The following ANKS6 variants were observed in gnomAD, a reference collection of about 807,000 sequenced individuals.
ANKS6 encodes the protein ankyrin repeat and SAM domain-containing protein 6.
In ANKS6, 47 loss-of-function variants were observed where a neutral mutation model predicts 77.9. That is an observed-to-expected ratio of 0.60 (90% CI 0.48 to 0.77). The LOEUF is 0.77. ANKS6 is among the 30% of genes least tolerant of loss of function. The pLI is 0.00. For missense variants in ANKS6, 1,150 were observed against 1,159.1 expected, an observed-to-expected ratio of 0.99 and a Z score of 0.11; for synonymous variants, 488 against 501.7, an observed-to-expected ratio of 0.97 and a Z score of 0.37.
intron 13 of ANKS6, chr9:98,745,928 A>G (rs1270467360): frequency 2.2e-6 from 1 of 454,476 alleles, no homozygotes; most frequent in African/African-American, 2.0e-5. Context: ...TGAGCCAGGT[A>G]AGAAAAATCT....
At position 98,756,496 on chromosome 9, in the gene ANKS6, G is replaced by A. The variant is rs1234141895; in HGVS notation, c.2250C>T (p.Ser750=). Residue 750 remains serine, a synonymous_variant, in exon 12 of 15, where the codon TCC becomes TCT. Transcript: ENST00000353234. ...GATGGGATGACGAGGAAGACACTGA[G>A]GACTCTGCAGTGTGCCCTTTGGGTG... ...SPSPKGHTAE[S]SVSSSSSHRQ... The A allele has an allele frequency of 1.9e-6, 3 of 1,613,094 alleles. No homozygotes were observed. The highest frequency in any genetic ancestry group is 1.7e-5 in the Admixed American group (1 of 59,908).
chr9:98,752,193 C>T (rs963044833), intron 12 of ANKS6, among the ~76,000 whole-genome samples: 1 of 152,192 alleles, frequency 6.6e-6, no homozygotes, highest in African/African-American at 2.4e-5. Context: ...GTTTTACAAA[C>T]GCTGTTTTAC....
intron 9 of ANKS6, among the ~76,000 whole-genome samples, chr9:98,771,706 A>C (rs1588381960): frequency 6.7e-6 from 1 of 149,552 alleles, no homozygotes; most frequent in South Asian, 2.1e-4. Context: ...GCTCCCCCCC[A>C]TCCTTACCCC....
At chr9:98,762,695 T>C (rs868601540) in intron 11 of ANKS6, among the ~76,000 whole-genome samples, 19 of 152,298 alleles carry the variant, frequency 1.2e-4, no homozygotes, top group South Asian at 2.1e-4. Context: ...GATTTTATAA[T>C]GGTGAACCAG....
At chr9:98,790,043 T>C in intron 2 of ANKS6, 61 bp downstream of exon 2, 1 of 1,514,496 alleles carries the variant, frequency 6.6e-7, no homozygotes, top group Non-Finnish European at 8.9e-7. Context: ...AATCCTCAGC[T>C]TAAGCCACAT....
chr9:98,757,419 G>GT (rs1178085288), intron 11 of ANKS6, among the ~76,000 whole-genome samples: 1 of 152,124 alleles, frequency 6.6e-6, no homozygotes, highest in African/African-American at 2.4e-5. Flanking sequence ...TCTTGGTCAG[G>GT]TATTTTGAAG....
chr9:98,746,467 G>C (rs1399005677), intron 13 of ANKS6, among the ~76,000 whole-genome samples: 1 of 152,132 alleles, frequency 6.6e-6, no homozygotes, highest in Non-Finnish European at 1.5e-5. Flanking sequence ...TTAGCAGTAT[G>C]TGTGCAAAGC....
chr9:98,781,268 T>A (rs778908067), intron 5 of ANKS6, among the ~76,000 whole-genome samples: 14 of 152,182 alleles, frequency 9.2e-5, no homozygotes, highest in Non-Finnish European at 1.5e-4. Flanking sequence ...TGTAAACACT[T>A]CATTTAAAAA....
chr9:98,786,152 T>C (rs2118143535), intron 2 of ANKS6, among the ~76,000 whole-genome samples: 1 of 152,238 alleles, frequency 6.6e-6, no homozygotes, highest in South Asian at 2.1e-4. Context: ...CTAATTTTTG[T>C]ATTTTTAGTA....
rs767200711 is a variant in ANKS6 at position 98,778,475 on chromosome 9, C to A, written c.1369-51G>T. 9 of 1,578,874 alleles carry A rather than the reference C, an allele frequency of 5.7e-6. No homozygotes were observed. The East Asian group carries it at 1.8e-4, about 32-fold the overall frequency. ...TCATGCTCCAGGAAGGGCAAGGAGA[C>A]CAGGCCCAGGACCTGCCAGCCCAGA... On this transcript the variant is annotated intron_variant, in intron 6 of 14. Coordinates refer to ENST00000353234, the MANE Select transcript of ANKS6 (RefSeq NM_173551.5).
intron 1 of ANKS6, among the ~76,000 whole-genome samples, chr9:98,794,238 C>CT (rs1835060194): frequency 6.6e-6 from 1 of 151,750 alleles, no homozygotes; most frequent in Non-Finnish European, 1.5e-5. Context: ...CACAGGGTGT[C>CT]TAATAGTCTG....
intron 11 of ANKS6, 68 bp downstream of exon 11, chr9:98,768,013 C>G: frequency 6.6e-7 from 1 of 1,524,222 alleles, no homozygotes; most frequent in Non-Finnish European, 8.8e-7. Context: ...CCCATGCTTC[C>G]CGGCAAGTGG....
chr9:98,782,250 AG>A (rs1343699907), intron 5 of ANKS6, among the ~76,000 whole-genome samples: 1 of 152,106 alleles, frequency 6.6e-6, no homozygotes, highest in African/African-American at 2.4e-5. Context: ...TTGGTGCTGG[AG>A]GAAGTCCCCG....
chr9:98,789,477 CTAAT>C (rs953424672), intron 2 of ANKS6, among the ~76,000 whole-genome samples: 12 of 133,226 alleles, frequency 9.0e-5, no homozygotes, highest in African/African-American at 3.0e-4. Context: ...TTTTAAAAAA[CTAAT>C]TTTCATCAAT....
At chr9:98,749,168 G>A (rs1367567042) in intron 13 of ANKS6, among the ~76,000 whole-genome samples, 1 of 152,138 alleles carries the variant, frequency 6.6e-6, no homozygotes, top group East Asian at 1.9e-4. Context: ...TAAGTAAAAG[G>A]AAGAGACCCT....
At position 98,776,132 on chromosome 9, in the gene ANKS6, G is replaced by A. The variant is rs116222514; in HGVS notation, c.1617+1273C>T. Among the ~76,000 whole-genome samples the A allele has an allele frequency of 3.4e-3, 524 of 152,280 alleles. 2 individuals are homozygous for A. The highest frequency in any genetic ancestry group is 0.012 in the African/African-American group (494 of 41,552). ...GGAAACAAACGTGAAACCCAGAGAG[G>A]GGAGGTAACACATCCAAGTTCACAC... On this transcript the variant is annotated intron_variant, in intron 8 of 14. Transcript: ENST00000353234.
intron 11 of ANKS6, among the ~76,000 whole-genome samples, chr9:98,762,978 G>A (rs889529944): frequency 5.3e-5 from 8 of 151,938 alleles, no homozygotes; most frequent in South Asian, 2.1e-4. Context: ...TACACAGCTC[G>A]TGAGGCAAAA....
At position 98,770,965 on chromosome 9, in the gene ANKS6, G is replaced by A. The variant is rs761831193; in HGVS notation, c.1903C>T (p.Pro635Ser). ...CCACTGGAGCCGCCCGATGAATGAG[G>A]CGAGTGGTTGAAGTTTCCAGAATTG... Reference protein sequence around the residue: ...SANSGNFNHSPHSSGGSSGVG... With the variant: ...SANSGNFNHSSHSSGGSSGVG... Residue 635 changes from proline to serine, a missense_variant, in exon 10 of 15, where the codon CCT becomes TCT. Pro to Ser is a moderately conservative substitution (Grantham distance 74, BLOSUM62 -1). Transcript: ENST00000353234. 2 of 1,598,686 alleles carry A rather than the reference G, an allele frequency of 1.3e-6. No individual in the cohort carries two copies. The highest frequency in any genetic ancestry group is 1.1e-5 in the South Asian group (1 of 88,152).
chr9:98,773,150 C>T (rs1833729779), intron 9 of ANKS6, among the ~76,000 whole-genome samples: 1 of 152,204 alleles, frequency 6.6e-6, no homozygotes, highest in South Asian at 2.1e-4. Flanking sequence ...GTTTTGAGAG[C>T]ATCTCCAGGC....
Sources: allele counts gnomAD v4.1 joint callset (sites outside exome capture counted in the v4.1 genomes callset), GRCh38; gene constraint gnomAD v4.1.1; transcripts MANE v1.5; gene names NCBI Gene and HGNC (gene_info 2026-07-23, HGNC 2026-07-21).